Variants in PCDHB16 observed in about 807,000 individuals in gnomAD.
The protein encoded by PCDHB16 is protocadherin beta-16.
For missense variants in PCDHB16, 1,026 were observed against 989.9 expected (o/e 1.04, Z -0.49); for synonymous variants, 444 against 436.5 (o/e 1.02, Z -0.21).
chr5:141,184,949 A>T lies in PCDHB16; in HGVS notation c.*59A>T, dbSNP rs1753686006. ...CTTCACAATAGCTTTGGATTTAATTATTGATAGGAACCCATTTGATAAATT... is the reference window on the plus strand; with the variant it reads ...CTTCACAATAGCTTTGGATTTAATTTTTGATAGGAACCCATTTGATAAATT... On this transcript the variant is annotated 3_prime_UTR_variant, in exon 1 of 1. Transcript: ENST00000609684. The T allele has an allele frequency of 4.5e-6, 7 of 1,570,554 alleles. No homozygotes were observed. Among genetic ancestry groups the T allele is most frequent in the Non-Finnish European group, 6.0e-6 (7 of 1,160,100 alleles).
At position 141,185,069 on chromosome 5, in the gene PCDHB16, G is replaced by T; in HGVS notation, c.*179G>T. On this transcript the variant is annotated 3_prime_UTR_variant, in exon 1 of 1. Transcript: ENST00000609684. ...TCTGATTGTTAGTTCAAATTATATT[G>T]TTAATTCCAGTTTCCCTTTTCCTCA... The T allele has an allele frequency of 7.0e-7, 1 of 1,426,366 alleles. No homozygotes were observed. The highest frequency in any genetic ancestry group is 2.6e-5 in the East Asian group (1 of 39,036). The allele number at this position is 1,426,366 out of a possible 1,614,324, so 88.4% of individuals were successfully genotyped here.
chr5:141,183,174 G>C lies in PCDHB16; in HGVS notation c.615G>C (p.Glu205Asp), dbSNP rs945405780. 1.9e-5 allele frequency: 31 copies of C among 1,614,182 alleles called. No individual in the cohort carries two copies. The highest frequency in any genetic ancestry group is 2.3e-5 in the Non-Finnish European group (27 of 1,180,034). Residue 205 changes from glutamate (E) to aspartate (D), a missense_variant, in exon 1 of 1, where the codon GAG becomes GAC. By Grantham distance (45) the Glu-to-Asp change is conservative (BLOSUM62 2). Coordinates refer to ENST00000609684, the MANE Select transcript of PCDHB16 (RefSeq NM_020957.4). ...ATAAAGAGCTGGATCGGGAGGAGGA[G>C]CCTCAACTAAGATTAACCCTGACAG... ...VLDKELDREE[E>D]PQLRLTLTAL...
Position 141,185,788 on chromosome 5 carries a change from T to C in PCDHB16, c.*898T>C, listed in dbSNP as rs181926735. The C allele has an allele frequency of 1.4e-4, 139 of 982,020 alleles. No homozygotes were observed. The East Asian group carries it at 0.014, about 100-fold the overall frequency. The allele number at this position is 982,020 out of a possible 1,614,324, so 60.8% of individuals were successfully genotyped here. ...GTTCTATTTTCCCTGTATTGGTATC[T>C]CCTTAAATAAAATAAAATATTCCTA... On this transcript the variant is annotated 3_prime_UTR_variant, in exon 1 of 1. Coordinates refer to ENST00000609684, the MANE Select transcript of PCDHB16 (RefSeq NM_020957.4).
rs1046067946 is a variant in PCDHB16 at position 141,185,566 on chromosome 5, A to G, written c.*676A>G. ...GCTTGGACTATAGGTGCATGCCACCATGCCTGGCTAATCTTTTGCAGCGAT... is the reference window on the plus strand; with the variant it reads ...GCTTGGACTATAGGTGCATGCCACCGTGCCTGGCTAATCTTTTGCAGCGAT... On this transcript the variant is annotated 3_prime_UTR_variant, in exon 1 of 1. Coordinates refer to ENST00000609684, the MANE Select transcript of PCDHB16 (RefSeq NM_020957.4). 1.5e-5 allele frequency: 5 copies of G among 338,494 alleles called. No homozygotes were observed. Among genetic ancestry groups the G allele is most frequent in the African/African-American group, 1.1e-4 (5 of 44,700 alleles). The allele number at this position is 338,494 out of a possible 1,614,324, so 21.0% of individuals were successfully genotyped here. A position where few individuals can be genotyped will look rare whatever the true frequency, so the allele number is the denominator to read the frequency against.
chr5:141,183,062 A>T lies in PCDHB16; in HGVS notation c.503A>T (p.Gln168Leu). 1 of 1,614,220 alleles carries T rather than the reference A, an allele frequency of 6.2e-7. No homozygotes were observed. The highest frequency in any genetic ancestry group is 1.1e-5 in the South Asian group (1 of 91,088). ...TTGGACGTAGGAAGCAATAATGTTCAAAACTATAAAATCAGCCCAAGCTCT... is the reference window on the plus strand; with the variant it reads ...TTGGACGTAGGAAGCAATAATGTTCTAAACTATAAAATCAGCCCAAGCTCT... ...LDLDVGSNNVQNYKISPSSHF... is the reference protein window; with the variant it reads ...LDLDVGSNNVLNYKISPSSHF... Residue 168 changes from glutamine to leucine, a missense_variant, in exon 1 of 1, where the codon CAA becomes CTA. Coordinates refer to ENST00000609684, the MANE Select transcript of PCDHB16 (RefSeq NM_020957.4).
Position 141,186,185 on chromosome 5 carries a change from A to G in PCDHB16, c.*1295A>G. On this transcript the variant is annotated 3_prime_UTR_variant, in exon 1 of 1. Coordinates refer to ENST00000609684, the MANE Select transcript of PCDHB16 (RefSeq NM_020957.4). ...TATGTAAAGTTGAGCTTCTTTCTAG[A>G]TATTAGGCCTTTGAATAAAATTCTA... The G allele has an allele frequency of 1.0e-6, 1 of 992,388 alleles. No individual in the cohort carries two copies. The highest frequency in any genetic ancestry group is 1.8e-5 in the African/African-American group (1 of 57,038). The allele number at this position is 992,388 out of a possible 1,614,324, so 61.5% of individuals were successfully genotyped here.
chr5:141,184,792 C>T lies in PCDHB16; in HGVS notation c.2233C>T (p.Leu745=). The T allele has an allele frequency of 6.2e-7, 1 of 1,614,242 alleles. No homozygotes were observed. ...RLVDVSGTGT[L]SQSYQYEVCL... ...GGTGGACGTAAGCGGCACCGGGACCCTGTCCCAGAGCTACCAATACGAGGT... is the reference window on the plus strand; with the variant it reads ...GGTGGACGTAAGCGGCACCGGGACCTTGTCCCAGAGCTACCAATACGAGGT... The change falls in exon 1 of 1, where the codon CTG becomes TTG. Residue 745 remains leucine (L), a synonymous_variant. Coordinates refer to ENST00000609684, the MANE Select transcript of PCDHB16 (RefSeq NM_020957.4).
chr5:141,185,619 T>G lies in PCDHB16; in HGVS notation c.*729T>G, dbSNP rs1554282569. 4 of 613,944 alleles carry G rather than the reference T, an allele frequency of 6.5e-6. No homozygotes were observed. Among genetic ancestry groups the G allele is most frequent in the Non-Finnish European group, 8.2e-6 (4 of 484,916 alleles). 38.0% of individuals were successfully genotyped at this position (613,944 alleles called of 1,614,324 possible). ...GATTTTGCCAAGTTGCCCAGGCTGA[T>G]CTTGAACTCCTGGGCTCAAGCCATC... is the stretch of plus-strand genomic sequence containing the variant. On this transcript the variant is annotated 3_prime_UTR_variant, in exon 1 of 1. Coordinates refer to ENST00000609684, the MANE Select transcript of PCDHB16 (RefSeq NM_020957.4).
rs1166562199 is a variant in PCDHB16 at position 141,184,778 on chromosome 5, G to A, written c.2219G>A (p.Ser740Asn). The A allele has an allele frequency of 1.9e-6, 3 of 1,614,130 alleles. No individual in the cohort carries two copies. The highest frequency in any genetic ancestry group is 2.5e-6 in the Non-Finnish European group (3 of 1,180,064). ...GPFPGRLVDV[S>N]GTGTLSQSYQ... ...TTTCCAGGGCGTCTGGTGGACGTAA[G>A]CGGCACCGGGACCCTGTCCCAGAGC... Residue 740 changes from serine (S) to asparagine (N), a missense_variant, in exon 1 of 1, where the codon AGC (serine) becomes AAC (asparagine). Coordinates refer to ENST00000609684, the MANE Select transcript of PCDHB16 (RefSeq NM_020957.4).
rs1753715004 is a variant in PCDHB16, at chr5:141,185,744, AG to A, written c.*855del. 1 of 996,912 alleles carries A rather than the reference AG, an allele frequency of 1.0e-6. No homozygotes were observed. The highest frequency in any genetic ancestry group is 1.7e-5 in the African/African-American group (1 of 57,174). 61.8% of individuals were successfully genotyped at this position (996,912 alleles called of 1,614,324 possible). ...ATTTTTTTGAGATGGAGTCTCGTAA[AG>A]TTACCTTTAAAAAAAAAGTTCTATT... On this transcript the variant is annotated 3_prime_UTR_variant, in exon 1 of 1. Coordinates refer to ENST00000609684, the MANE Select transcript of PCDHB16 (RefSeq NM_020957.4).
Position 141,183,803 on chromosome 5 carries a change from C to A in PCDHB16, c.1244C>A (p.Ala415Asp). The A allele has an allele frequency of 1.9e-6, 3 of 1,614,192 alleles. No homozygotes were observed. Among genetic ancestry groups the A allele is most frequent in the Non-Finnish European group, 2.5e-6 (3 of 1,180,054 alleles). ...TERALDREAR[A>D]EYNITLTVTD... ...AGAGCACTCGACAGAGAAGCAAGAG[C>A]TGAATATAATATCACCCTCACCGTC... The change falls in exon 1 of 1, where the codon GCT (alanine) becomes GAT (aspartate). Residue 415 changes from alanine to aspartate, a missense_variant. Coordinates refer to ENST00000609684, the MANE Select transcript of PCDHB16 (RefSeq NM_020957.4).
At position 141,182,686 on chromosome 5, in the gene PCDHB16, T is replaced by C. The variant is rs782515681; in HGVS notation, c.127T>C (p.Ser43Pro). 2.5e-6 allele frequency: 4 copies of C among 1,610,096 alleles called. No homozygotes were observed. In the South Asian group the frequency reaches 4.4e-5, roughly 18 times the overall value. Reference sequence around the variant, plus strand: ...CGTAGTGGAAGAAACGGAGAGAGGCTCTTTTGTGGCAAATCTAGGAAAAGA... The same window carrying C: ...CGTAGTGGAAGAAACGGAGAGAGGCCCTTTTGTGGCAAATCTAGGAAAAGA... ...YSVVEETERG[S>P]FVANLGKDLG... The change falls in exon 1 of 1, where the codon TCT (serine) becomes CCT (proline). Residue 43 changes from serine (S) to proline (P), a missense_variant. By Grantham distance (74) the Ser-to-Pro change is moderately conservative. Transcript: ENST00000609684.
chr5:141,185,029 A>G lies in PCDHB16; in HGVS notation c.*139A>G. 6.9e-7 allele frequency: 1 copy of G among 1,453,076 alleles called. No homozygotes were observed. The highest frequency in any genetic ancestry group is 9.1e-7 in the Non-Finnish European group (1 of 1,101,824). The allele number at this position is 1,453,076 out of a possible 1,614,324, so 90.0% of individuals were successfully genotyped here. A position where few individuals can be genotyped will look rare whatever the true frequency, so the allele number is the denominator to read the frequency against. On this transcript the variant is annotated 3_prime_UTR_variant, in exon 1 of 1. Transcript: ENST00000609684. ...TAAATTGTTCATGCTCACCACCACCAATAAGGTATTTTTCTCTGATTGTTA... is the reference window on the plus strand; with the variant it reads ...TAAATTGTTCATGCTCACCACCACCGATAAGGTATTTTTCTCTGATTGTTA...
At position 141,182,691 on chromosome 5, in the gene PCDHB16, T is replaced by C; in HGVS notation, c.132T>C (p.Phe44=). ...TGGAAGAAACGGAGAGAGGCTCTTT[T>C]GTGGCAAATCTAGGAAAAGACCTGG... ...SVVEETERGS[F]VANLGKDLGL... is the part of the protein sequence containing the mutation. Residue 44 remains phenylalanine, a synonymous_variant, in exon 1 of 1, where the codon TTT becomes TTC. Coordinates refer to ENST00000609684, the MANE Select transcript of PCDHB16 (RefSeq NM_020957.4). 6.2e-7 allele frequency: 1 copy of C among 1,610,462 alleles called. No homozygotes were observed. Among genetic ancestry groups the C allele is most frequent in the Non-Finnish European group, 8.5e-7 (1 of 1,177,852 alleles).
Position 141,182,528 on chromosome 5 carries a change from G to A in PCDHB16, c.-32G>A, listed in dbSNP as rs55875667. 3,485 of 1,504,466 alleles carry A rather than the reference G, an allele frequency of 2.3e-3. 81 individuals carry two copies. In the African/African-American group the frequency reaches 0.045, roughly 19 times the overall value. 93.2% of individuals were successfully genotyped at this position (1,504,466 alleles called of 1,614,324 possible). A position where few individuals can be genotyped will look rare whatever the true frequency, so the allele number is the denominator to read the frequency against. On this transcript the variant is annotated 5_prime_UTR_variant, in exon 1 of 1. Transcript: ENST00000609684. ...TACTAGGATCCTGGGGATACATGAA[G>A]CTTCTGTGAACCAACTTTTCAAGAA...
At position 141,183,862 on chromosome 5, in the gene PCDHB16, C is replaced by A. The variant is rs1390865433; in HGVS notation, c.1303C>A (p.His435Asn). ...DMGTPRLKTEHNITVQISDVN... is the reference protein window; with the variant it reads ...DMGTPRLKTENNITVQISDVN... ...GGGGACTCCAAGGCTGAAAACGGAG[C>A]ACAACATAACAGTGCAGATATCAGA... The change falls in exon 1 of 1, where the codon CAC (histidine) becomes AAC (asparagine). Residue 435 changes from histidine (H) to asparagine (N), a missense_variant. Coordinates refer to ENST00000609684, the MANE Select transcript of PCDHB16 (RefSeq NM_020957.4). 1.1e-5 allele frequency: 17 copies of A among 1,614,088 alleles called. No homozygotes were observed. Among genetic ancestry groups the A allele is most frequent in the Non-Finnish European group, 1.4e-5 (16 of 1,180,052 alleles).
Position 141,183,867 on chromosome 5 carries a change from C to A in PCDHB16, c.1308C>A (p.Asn436Lys). 1 of 1,614,224 alleles carries A rather than the reference C, an allele frequency of 6.2e-7. No individual in the cohort carries two copies. Among genetic ancestry groups the A allele is most frequent in the East Asian group, 2.2e-5 (1 of 44,886 alleles). Residue 436 changes from asparagine to lysine, a missense_variant, in exon 1 of 1, where the codon AAC becomes AAA. By Grantham distance (94) the Asn-to-Lys change is moderately conservative (BLOSUM62 0). Transcript: ENST00000609684. ...MGTPRLKTEH[N>K]ITVQISDVND... The stretch of plus-strand genomic sequence containing the variant: ...CTCCAAGGCTGAAAACGGAGCACAA[C>A]ATAACAGTGCAGATATCAGATGTCA...
chr5:141,186,110 C>T lies in PCDHB16; in HGVS notation c.*1220C>T, dbSNP rs1432879476. ...ATAGTATACATTGGCGGTATCTAGC[C>T]CTTTCTCTGTAAAATATCCCTATGT... On this transcript the variant is annotated 3_prime_UTR_variant, in exon 1 of 1. Transcript: ENST00000609684. 2.0e-6 allele frequency: 2 copies of T among 998,806 alleles called. No homozygotes were observed. Among genetic ancestry groups the T allele is most frequent in the Non-Finnish European group, 2.4e-6 (2 of 829,114 alleles). The allele number at this position is 998,806 out of a possible 1,614,324, so 61.9% of individuals were successfully genotyped here. A position where few individuals can be genotyped will look rare whatever the true frequency, so the allele number is the denominator to read the frequency against.
Position 141,185,765 on chromosome 5 carries a change from T to C in PCDHB16, c.*875T>C. The C allele has an allele frequency of 1.0e-6, 1 of 990,978 alleles. No individual in the cohort carries two copies. Among genetic ancestry groups the C allele is most frequent in the Non-Finnish European group, 1.2e-6 (1 of 821,590 alleles). The allele number at this position is 990,978 out of a possible 1,614,324, so 61.4% of individuals were successfully genotyped here. On this transcript the variant is annotated 3_prime_UTR_variant, in exon 1 of 1. Coordinates refer to ENST00000609684, the MANE Select transcript of PCDHB16 (RefSeq NM_020957.4). Reference sequence around the variant, plus strand: ...GTAAAGTTACCTTTAAAAAAAAAGTTCTATTTTCCCTGTATTGGTATCTCC... The same window carrying C: ...GTAAAGTTACCTTTAAAAAAAAAGTCCTATTTTCCCTGTATTGGTATCTCC...
Sources: gnomAD v4.1 joint callset for allele counts on GRCh38, gnomAD v4.1.1 for gene constraint, MANE v1.5 for transcripts, NCBI Gene and HGNC (gene_info 2026-07-23, HGNC 2026-07-21) for gene names.